SLC25A33: variants seen among roughly 807,000 people sequenced by gnomAD.
SLC25A33 encodes the protein solute carrier family 25 member 33.
A neutral mutation model predicts 35.5 loss-of-function variants in SLC25A33; 15 were observed. That is an observed-to-expected ratio of 0.42 (90% CI 0.28 to 0.65). The LOEUF is 0.65. Among genes scored for constraint, SLC25A33 ranks in the 30% least tolerant of loss-of-function variants. SLC25A33 has a pLI of 0.20. For synonymous variants in SLC25A33, 136 were observed against 148.7 expected, an observed-to-expected ratio of 0.91 and a Z score of 0.62; for missense variants, 257 against 398.5, an observed-to-expected ratio of 0.64 and a Z score of 3.02.
chr1:9,561,950 C>A (rs1472875717), intron 2 of SLC25A33, among the ~76,000 whole-genome samples: 1 of 151,886 alleles, frequency 6.6e-6, no homozygotes, highest in Admixed American at 6.6e-5. Flanking sequence ...CTGCTTGAAC[C>A]CTTAAAAGAG....
intron 3 of SLC25A33, among the ~76,000 whole-genome samples, chr1:9,569,693 A>G: frequency 6.6e-6 from 1 of 152,150 alleles, no homozygotes; most frequent in East Asian, 1.9e-4. Flanking sequence ...TCCCAGCCCC[A>G]ACAAGAGGGA....
At chr1:9,577,049 A>G (rs1643669981) in intron 5 of SLC25A33, 2 of 701,530 alleles carry the variant, frequency 2.9e-6, no homozygotes, top group Non-Finnish European at 4.8e-6. Flanking sequence ...TATTGGTGAT[A>G]TTTAAATGAT....
intron 5 of SLC25A33, among the ~76,000 whole-genome samples, chr1:9,579,746 G>A (rs1427490616): frequency 6.6e-6 from 1 of 152,198 alleles, no homozygotes. Flanking sequence ...CTTGGGGCAG[G>A]TGAAAGGAGA....
At chr1:9,546,174 A>ATTTTTTTTT (rs746460317) in intron 1 of SLC25A33, among the ~76,000 whole-genome samples, 1 of 100,520 alleles carries the variant, frequency 9.9e-6, no homozygotes, top group Admixed American at 1.0e-4. Context: ...ACACAGAGAA[A>ATTTTTTTTT]TTTTTTTTTT....
rs1344429175 is a variant in SLC25A33 at position 9,580,918 on chromosome 1, G to A, written c.763+684G>A. 2.7e-5 allele frequency among the ~76,000 whole-genome samples: 4 copies of A among 150,698 alleles called. No individual in the cohort carries two copies. In the East Asian group the frequency reaches 7.8e-4, roughly 29 times the overall value. On this transcript the variant is annotated intron_variant, in intron 6 of 6. Transcript: ENST00000302692. ...AATCATTCAGCCTCTATTTCTAATG[G>A]AGCCTTAAGGCTACTTTGGGTAAGT...
At position 9,553,709 on chromosome 1, in the gene SLC25A33, G is replaced by A. The variant is rs772505736; in HGVS notation, c.140G>A (p.Arg47Gln). The A allele has an allele frequency of 9.3e-6, 15 of 1,614,090 alleles. No individual in the cohort carries two copies. Among genetic ancestry groups the A allele is most frequent in the Middle Eastern group, 1.7e-4 (1 of 6,060 alleles). The change falls in exon 2 of 7, where the codon CGG (arginine) becomes CAG (glutamine). Residue 47 changes from arginine (R) to glutamine (Q), a missense_variant. Transcript: ENST00000302692. Reference sequence around the variant, plus strand: ...TTGCAGTCTTCAAGATTAGCTCTCCGGACAGTCTACTATCCTCAGGTTCAT... The same window carrying A: ...TTGCAGTCTTCAAGATTAGCTCTCCAGACAGTCTACTATCCTCAGGTTCAT... ...TRLQSSRLAL[R>Q]TVYYPQVHLG...
At chr1:9,571,293 CT>C (rs1246960048) in intron 4 of SLC25A33, among the ~76,000 whole-genome samples, 10 of 150,618 alleles carry the variant, frequency 6.6e-5, no homozygotes, top group Non-Finnish European at 1.3e-4. Flanking sequence ...GAAGGGAAGG[CT>C]TTTTTGTTTG....
At chr1:9,564,072 A>G (rs1049729107) in intron 2 of SLC25A33, among the ~76,000 whole-genome samples, 12 of 152,228 alleles carry the variant, frequency 7.9e-5, no homozygotes, top group African/African-American at 2.9e-4. Context: ...AAAAGAGATT[A>G]AATTAGAGAA....
intron 1 of SLC25A33, among the ~76,000 whole-genome samples, chr1:9,548,715 T>C (rs1313032957): frequency 1.3e-5 from 2 of 152,226 alleles, no homozygotes; most frequent in Admixed American, 1.3e-4. Flanking sequence ...AGATTCCTTG[T>C]CTAAAATACT....
Position 9,584,165 on chromosome 1 carries a change from C to G in SLC25A33, c.*1664C>G, listed in dbSNP as rs569744359. On this transcript the variant is annotated 3_prime_UTR_variant, in exon 7 of 7. Transcript: ENST00000302692. ...GAAGGTTGGTTTTCAATTTGAACGTCTAGAAAGATACTCATTTCTAATACC... is the reference window on the plus strand; with the variant it reads ...GAAGGTTGGTTTTCAATTTGAACGTGTAGAAAGATACTCATTTCTAATACC... 6.6e-6 allele frequency: 1 copy of G among 152,280 alleles called. No individual in the cohort carries two copies. Among genetic ancestry groups the G allele is most frequent in the South Asian group, 2.1e-4 (1 of 4,824 alleles). The allele number at this position is 152,280 out of a possible 1,614,324, so 9.4% of individuals were successfully genotyped here. A position where few individuals can be genotyped will look rare whatever the true frequency, so the allele number is the denominator to read the frequency against.
At chr1:9,553,203 G>GTTTTTTTTTTTTTTTTTTTTTTTT (rs550067186) in intron 1 of SLC25A33, among the ~76,000 whole-genome samples, 42 of 56,490 alleles carry the variant, frequency 7.4e-4, no homozygotes, top group South Asian at 9.8e-4. Flanking sequence ...TTCTAGTTTT[G>GTTTTTTTTTTTTTTTTTTTTTTTT]TTTTTTTTTT....
chr1:9,563,298 T>C (rs1215820171), intron 2 of SLC25A33, among the ~76,000 whole-genome samples: 1 of 152,228 alleles, frequency 6.6e-6, no homozygotes, highest in African/African-American at 2.4e-5. Flanking sequence ...TTCCACTCTT[T>C]TTCATCTAAT....
chr1:9,539,687 C>T lies in SLC25A33; in HGVS notation c.-5C>T, dbSNP rs1038060028. 58 of 1,377,660 alleles carry T rather than the reference C, an allele frequency of 4.2e-5. No individual in the cohort carries two copies. In the African/African-American group the frequency reaches 8.6e-4, roughly 20 times the overall value. The allele number at this position is 1,377,660 out of a possible 1,614,324, so 85.3% of individuals were successfully genotyped here. On this transcript the variant is annotated 5_prime_UTR_variant, in exon 1 of 7. Coordinates refer to ENST00000302692, the MANE Select transcript of SLC25A33 (RefSeq NM_032315.3). ...GCGGCGACGGGCCGCGGAGCCGGCG[C>T]GGCCATGGCGACGGGCGGCCAGCAG...
chr1:9,573,154 A>G (rs1396302128), intron 4 of SLC25A33, among the ~76,000 whole-genome samples, 192 bp from the exon 5 acceptor site: 1 of 152,196 alleles, frequency 6.6e-6, no homozygotes, highest in Non-Finnish European at 1.5e-5. Flanking sequence ...TAGATCCAGC[A>G]ATACCAATAG....
chr1:9,570,753 G>GCTGGA (rs1643579592), intron 4 of SLC25A33, among the ~76,000 whole-genome samples: 1 of 145,408 alleles, frequency 6.9e-6, no homozygotes, highest in Non-Finnish European at 1.5e-5. Context: ...TGTCACCCAG[G>GCTGGA]CTGGACTGGA....
At chr1:9,572,283 C>T (rs920109041) in intron 4 of SLC25A33, among the ~76,000 whole-genome samples, 2 of 149,226 alleles carry the variant, frequency 1.3e-5, no homozygotes, top group Non-Finnish European at 2.9e-5. Flanking sequence ...AACTTAGAAC[C>T]CTTGATAAAT....
intron 2 of SLC25A33, among the ~76,000 whole-genome samples, chr1:9,565,623 A>G (rs373962273): frequency 1.3e-5 from 2 of 152,130 alleles, no homozygotes; most frequent in East Asian, 3.8e-4. Context: ...TCACGCCTAT[A>G]ATCCCAGCAC....
intron 5 of SLC25A33, among the ~76,000 whole-genome samples, chr1:9,573,822 C>T (rs1643622814): frequency 6.6e-6 from 1 of 152,124 alleles, no homozygotes; most frequent in Non-Finnish European, 1.5e-5. Context: ...TAATTTTAGT[C>T]TCCAAAGGCC....
chr1:9,574,559 C>G lies in SLC25A33; in HGVS notation c.482+1147C>G, dbSNP rs1040901194. The stretch of plus-strand genomic sequence containing the variant: ...AATGTAATGTGACATGAAAATATTT[C>G]TGTGTGTGTCAAATCACAGTTACTA... On this transcript the variant is annotated intron_variant, in intron 5 of 6. Coordinates refer to ENST00000302692, the MANE Select transcript of SLC25A33 (RefSeq NM_032315.3). Among the ~76,000 whole-genome samples, 4 of 152,156 alleles carry G rather than the reference C, an allele frequency of 2.6e-5. 1 individual carries two copies. The highest frequency in any genetic ancestry group is 4.1e-4 in the South Asian group (2 of 4,830).
Sources: allele counts gnomAD v4.1 joint callset (sites outside exome capture counted in the v4.1 genomes callset), GRCh38; gene constraint gnomAD v4.1.1; transcripts MANE v1.5; gene names NCBI Gene and HGNC (gene_info 2026-07-23, HGNC 2026-07-21).